The following EVI5 variants were observed in gnomAD, a reference collection of about 807,000 sequenced individuals.
The protein encoded by EVI5 is ecotropic viral integration site 5.
Under a neutral mutation model 112.0 loss-of-function variants are expected in EVI5, and 73 were observed. That is an observed-to-expected ratio of 0.65 (90% confidence interval 0.54 to 0.79). The LOEUF is 0.79. Among genes scored for constraint, EVI5 ranks in the 30% least tolerant of loss-of-function variants. EVI5 has a pLI of 0.00. For synonymous variants in EVI5, 305 were observed against 319.9 expected, an observed-to-expected ratio of 0.95 and a Z score of 0.50; for missense variants, 900 against 968.8, an observed-to-expected ratio of 0.93 and a Z score of 0.94.
intron 2 of EVI5, among the ~76,000 whole-genome samples, chr1:92,718,711 A>G (rs1674209848): frequency 6.6e-6 from 1 of 152,166 alleles, no homozygotes; most frequent in East Asian, 1.9e-4. Context: ...ACTGAAGGAG[A>G]TAGAGACACA....
intron 2 of EVI5, among the ~76,000 whole-genome samples, chr1:92,734,836 ATTT>A (rs78894565): frequency 3.3e-5 from 5 of 152,274 alleles, no homozygotes; most frequent in East Asian, 1.9e-4. Context: ...AAATAATCAA[ATTT>A]TTTTTTAAAA....
intron 18 of EVI5, among the ~76,000 whole-genome samples, chr1:92,577,781 A>G (rs559026629): frequency 6.6e-6 from 1 of 152,330 alleles, no homozygotes; most frequent in African/African-American, 2.4e-5. Context: ...CATTGCTCAC[A>G]CAGCTGGAAA....
chr1:92,606,924 C>A (rs11586076), intron 17 of EVI5, among the ~76,000 whole-genome samples: 28,526 of 91,266 alleles, frequency 0.31, 3,094 homozygotes, highest in Non-Finnish European at 0.38. Flanking sequence ...ACACACACAC[C>A]CCCCCAAACC....
At chr1:92,707,784 T>C (rs1434445821) in intron 2 of EVI5, among the ~76,000 whole-genome samples, 1 of 152,146 alleles carries the variant, frequency 6.6e-6, no homozygotes, top group Non-Finnish European at 1.5e-5. Flanking sequence ...TGAAAACATA[T>C]GTACAAAGAA....
At chr1:92,787,733 T>C, upstream of EVI5, among the ~76,000 whole-genome samples, 1 of 150,476 alleles carries the variant, frequency 6.6e-6, no homozygotes. Context: ...GAGAAAGATC[T>C]TGTCTCAAAA....
intron 14 of EVI5, 141 bp from the exon 15 acceptor site, chr1:92,626,075 T>C (rs1557931960): frequency 2.1e-5 from 12 of 573,200 alleles, no homozygotes; most frequent in Non-Finnish European, 2.1e-5. Flanking sequence ...ACTATGAAAC[T>C]CACCCTTTTA....
intron 1 of EVI5, among the ~76,000 whole-genome samples, chr1:92,738,501 TGCAAAA>T (rs1001741532): frequency 6.6e-6 from 1 of 152,168 alleles, no homozygotes; most frequent in Non-Finnish European, 1.5e-5. Flanking sequence ...AGTTAATTGC[TGCAAAA>T]GCAAAAGACA....
At chr1:92,750,102 T>C (rs1482001152) in intron 1 of EVI5, among the ~76,000 whole-genome samples, 1 of 152,186 alleles carries the variant, frequency 6.6e-6, no homozygotes, top group Non-Finnish European at 1.5e-5. Flanking sequence ...AAAGAATTTT[T>C]TAAATGAGCA....
At chr1:92,696,454 A>G (rs1670335137) in intron 6 of EVI5, among the ~76,000 whole-genome samples, 1 of 151,990 alleles carries the variant, frequency 6.6e-6, no homozygotes, top group African/African-American at 2.4e-5. Flanking sequence ...TCTCTACAAA[A>G]ATTAAAAAAT....
intron 18 of EVI5, among the ~76,000 whole-genome samples, chr1:92,596,269 A>C (rs2101434691): frequency 6.6e-6 from 1 of 152,220 alleles, no homozygotes; most frequent in Admixed American, 6.5e-5. Flanking sequence ...CTCAGGTGGG[A>C]GGATCTCTTG....
chr1:92,742,542 G>A (rs918960239), intron 1 of EVI5, among the ~76,000 whole-genome samples: 16 of 151,858 alleles, frequency 1.1e-4, no homozygotes, highest in South Asian at 2.1e-4. Context: ...GTGTGGTGGC[G>A]GGTCCCTGTA....
intron 18 of EVI5, among the ~76,000 whole-genome samples, chr1:92,588,243 G>A (rs1230256997): frequency 6.6e-6 from 1 of 152,068 alleles, no homozygotes; most frequent in Non-Finnish European, 1.5e-5. Flanking sequence ...TCACTCCCAT[G>A]CTCAAAACCC....
intron 19 of EVI5, among the ~76,000 whole-genome samples, chr1:92,542,443 G>A (rs567705035): frequency 3.3e-5 from 5 of 152,104 alleles, no homozygotes; most frequent in Admixed American, 6.5e-5. Flanking sequence ...TCCCTCAAAC[G>A]GTTGGAATCA....
intron 16 of EVI5, among the ~76,000 whole-genome samples, chr1:92,619,869 T>C (rs1375785243): frequency 6.6e-6 from 1 of 152,046 alleles, no homozygotes; most frequent in Non-Finnish European, 1.5e-5. Flanking sequence ...ATGGAAAGAA[T>C]GAGTGAACTT....
At position 92,722,806 on chromosome 1, in the gene EVI5, T is replaced by G. The variant is rs993782599; in HGVS notation, c.149+13592A>C. The stretch of plus-strand genomic sequence containing the variant: ...CTGACCAGAGGATTTGCTCAAAATC[T>G]TTCAAATGTAGTAAACAAAGGGGTA... On this transcript the variant is annotated intron_variant, in intron 2 of 19. Coordinates refer to ENST00000684568, the MANE Select transcript of EVI5 (RefSeq NM_001350197.2). Among the ~76,000 whole-genome samples, 4 of 152,128 alleles carry G rather than the reference T, an allele frequency of 2.6e-5. No individual in the cohort carries two copies. The South Asian group carries it at 8.3e-4, about 31-fold the overall frequency.
chr1:92,640,653 A>T (rs1659767595), intron 13 of EVI5, among the ~76,000 whole-genome samples: 1 of 152,098 alleles, frequency 6.6e-6, no homozygotes, highest in South Asian at 2.1e-4. Flanking sequence ...TATAGTGTTC[A>T]TGGTAATGTA....
chr1:92,684,854 A>G (rs2102389740), intron 9 of EVI5, among the ~76,000 whole-genome samples: 1 of 152,302 alleles, frequency 6.6e-6, no homozygotes, highest in Admixed American at 6.5e-5. Context: ...AGAAGAGCTA[A>G]CTATCCTAAA....
chr1:92,581,652 A>T (rs777747184), intron 18 of EVI5, among the ~76,000 whole-genome samples: 1 of 150,896 alleles, frequency 6.6e-6, no homozygotes, highest in Non-Finnish European at 1.5e-5. Context: ...GCATTAGGTT[A>T]TGTTCCTTTT....
chr1:92,612,536 CCT>C (rs557489647), intron 16 of EVI5, among the ~76,000 whole-genome samples: 156 of 151,946 alleles, frequency 1.0e-3, no homozygotes, highest in Non-Finnish European at 1.7e-3. Flanking sequence ...TGGTGAAACC[CCT>C]GTCTCCACTA....
Sources: gnomAD v4.1 joint callset for allele counts (sites outside exome capture counted in the v4.1 genomes callset) on GRCh38, gnomAD v4.1.1 for gene constraint, MANE v1.5 for transcripts, NCBI Gene and HGNC (gene_info 2026-07-23, HGNC 2026-07-21) for gene names.